GRM3: variants seen among roughly 807,000 people sequenced by gnomAD.
GRM3 encodes the protein glutamate metabotropic receptor 3, also known as metabotropic glutamate receptor 3.
A neutral mutation model predicts 70.5 loss-of-function variants in GRM3; 26 were observed. The observed-to-expected ratio is 0.37, with a 90% CI of 0.27 to 0.51. GRM3 has a LOEUF of 0.51. GRM3 is among the 20% of genes least tolerant of loss of function. GRM3 has a pLI of 0.93. For missense variants in GRM3, 859 were observed against 1,123.8 expected (o/e 0.76, Z 3.37); for synonymous variants, 443 against 434.9 (o/e 1.02, Z -0.23).
At chr7:86,661,240 A>G (rs1793885730) in intron 1 of GRM3, among the ~76,000 whole-genome samples, 1 of 151,992 alleles carries the variant, frequency 6.6e-6, no homozygotes, top group Non-Finnish European at 1.5e-5. Context: ...TGAAAGAAAA[A>G]TATGATGCAA....
chr7:86,837,503 T>C (rs1231382941), intron 3 of GRM3, among the ~76,000 whole-genome samples: 1 of 152,232 alleles, frequency 6.6e-6, no homozygotes. Flanking sequence ...GCTGAGCACA[T>C]TAGCTAAGCT....
At chr7:86,688,564 A>C (rs1794619941) in intron 1 of GRM3, among the ~76,000 whole-genome samples, 1 of 151,520 alleles carries the variant, frequency 6.6e-6, no homozygotes, top group African/African-American at 2.4e-5. Flanking sequence ...AATTTCAATA[A>C]CTAATAGAAA....
chr7:86,764,467 T>A (rs1294278630), intron 1 of GRM3, among the ~76,000 whole-genome samples: 1 of 152,134 alleles, frequency 6.6e-6, no homozygotes, highest in African/African-American at 2.4e-5. Context: ...CTCAATGGGC[T>A]AGGATAGTTC....
intron 3 of GRM3, among the ~76,000 whole-genome samples, chr7:86,819,132 A>G (rs1798070591): frequency 6.6e-6 from 1 of 152,170 alleles, no homozygotes; most frequent in African/African-American, 2.4e-5. Context: ...TACTGCAATT[A>G]TCACAGCCAG....
intron 1 of GRM3, among the ~76,000 whole-genome samples, chr7:86,685,634 C>T (rs560962807): frequency 2.6e-5 from 4 of 152,196 alleles, no homozygotes; most frequent in East Asian, 1.9e-4. Flanking sequence ...GGGCCGGGCA[C>T]GGTGGCTCAC....
chr7:86,849,923 A>AAAAC (rs766620163), intron 4 of GRM3, among the ~76,000 whole-genome samples: 24 of 152,164 alleles, frequency 1.6e-4, no homozygotes, highest in South Asian at 6.2e-4. Flanking sequence ...AAGAATGTAA[A>AAAAC]AAACAAACAA....
chr7:86,733,911 ACTC>A (rs1351536701), intron 1 of GRM3, among the ~76,000 whole-genome samples: 2 of 152,014 alleles, frequency 1.3e-5, no homozygotes, highest in African/African-American at 2.4e-5. Context: ...ATCATCTAAT[ACTC>A]CTCAAGTGAT....
intron 1 of GRM3, among the ~76,000 whole-genome samples, chr7:86,716,716 T>C (rs1422026457): frequency 6.6e-6 from 1 of 151,886 alleles, no homozygotes; most frequent in Non-Finnish European, 1.5e-5. Flanking sequence ...GCTTATTCTT[T>C]ATAAATTACA....
chr7:86,646,149 T>C (rs1168901210), intron 1 of GRM3, among the ~76,000 whole-genome samples: 1 of 152,100 alleles, frequency 6.6e-6, no homozygotes, highest in Admixed American at 6.5e-5. Flanking sequence ...ATTGCCACTA[T>C]GCTAAACTAT....
chr7:86,726,655 C>T (rs536948707), intron 1 of GRM3, among the ~76,000 whole-genome samples: 4 of 152,224 alleles, frequency 2.6e-5, no homozygotes, highest in African/African-American at 7.2e-5. Flanking sequence ...CACAGAAGTA[C>T]CACTTTTCAC....
chr7:86,669,364 AAAC>A (rs1289291930), intron 1 of GRM3, among the ~76,000 whole-genome samples: 1 of 152,216 alleles, frequency 6.6e-6, no homozygotes, highest in African/African-American at 2.4e-5. Flanking sequence ...AAAAACTCTG[AAAC>A]AACAATAGTT....
At chr7:86,699,447 A>G (rs1160417555) in intron 1 of GRM3, among the ~76,000 whole-genome samples, 1 of 152,006 alleles carries the variant, frequency 6.6e-6, no homozygotes, top group East Asian at 1.9e-4. Flanking sequence ...TTCTAACTTT[A>G]TTGTATTTCC....
chr7:86,755,976 A>T (rs1796336195), intron 1 of GRM3, among the ~76,000 whole-genome samples: 11 of 152,076 alleles, frequency 7.2e-5, no homozygotes, highest in Admixed American at 7.2e-4. Context: ...CCACATATTG[A>T]CCATTTTGGT....
intron 1 of GRM3, among the ~76,000 whole-genome samples, chr7:86,707,147 A>G (rs1170568271): frequency 2.0e-5 from 3 of 152,014 alleles, no homozygotes; most frequent in Non-Finnish European, 2.9e-5. Context: ...CACATCTTGA[A>G]TTTTCCAGAC....
intron 1 of GRM3, among the ~76,000 whole-genome samples, chr7:86,748,868 C>G (rs1159654622): frequency 1.3e-5 from 2 of 152,034 alleles, no homozygotes; most frequent in East Asian, 3.9e-4. Context: ...TGTCATTGTT[C>G]TTGACATTCC....
chr7:86,676,016 A>G (rs532486754), intron 1 of GRM3, among the ~76,000 whole-genome samples: 1 of 152,100 alleles, frequency 6.6e-6, no homozygotes, highest in South Asian at 2.1e-4. Context: ...AATAAATATC[A>G]AAAGAAGGAA....
intron 3 of GRM3, among the ~76,000 whole-genome samples, chr7:86,816,902 C>T (rs1213709313): frequency 6.6e-6 from 1 of 151,076 alleles, no homozygotes; most frequent in African/African-American, 2.4e-5. Flanking sequence ...TGTATTTAAA[C>T]TGACAGGAAA....
chr7:86,699,356 G>T (rs553835858), intron 1 of GRM3, among the ~76,000 whole-genome samples: 2 of 152,102 alleles, frequency 1.3e-5, no homozygotes, highest in East Asian at 1.9e-4. Flanking sequence ...AATCTGGATG[G>T]TTCCTGCACT....
intron 1 of GRM3, among the ~76,000 whole-genome samples, chr7:86,688,460 C>T (rs1236069540): frequency 6.6e-6 from 1 of 151,554 alleles, no homozygotes; most frequent in African/African-American, 2.4e-5. Flanking sequence ...ACAAAGTTTT[C>T]AATACCTAAT....
Sources: gnomAD v4.1 joint callset for allele counts (sites outside exome capture counted in the v4.1 genomes callset) on GRCh38, gnomAD v4.1.1 for gene constraint, MANE v1.5 for transcripts, NCBI Gene and HGNC (gene_info 2026-07-23, HGNC 2026-07-21) for gene names.